Variants in ADCY8 observed in about 807,000 individuals in gnomAD.
The protein encoded by ADCY8 is adenylate cyclase 8.
In ADCY8, 51 loss-of-function variants were observed where a neutral mutation model predicts 119.7. That is an observed-to-expected ratio of 0.43 (90% CI 0.34 to 0.54). The LOEUF (loss-of-function observed/expected upper bound fraction) is 0.54. Ranked by LOEUF, ADCY8 falls within the 20% of genes least tolerant of loss-of-function variation. The pLI is 0.03. For missense variants in ADCY8, 1,383 were observed against 1,598.8 expected (o/e 0.87, Z 2.30); for synonymous variants, 665 against 651.0 (o/e 1.02, Z -0.33).
chr8:130,821,537 C>G, intron 12 of ADCY8, 117 bp from the exon 13 acceptor site: 2 of 718,328 alleles, frequency 2.8e-6, no homozygotes, highest in Middle Eastern at 3.9e-4. Context: ...TTTTCAGCAC[C>G]TATTATGTGA....
At chr8:130,817,626 A>G (rs146823629) in intron 13 of ADCY8, among the ~76,000 whole-genome samples, 68 of 152,342 alleles carry the variant, frequency 4.5e-4, no homozygotes, top group African/African-American at 1.6e-3. Context: ...GCTTAATAAG[A>G]CTAATAATTG....
At chr8:130,917,083 T>G (rs1047466329) in intron 5 of ADCY8, among the ~76,000 whole-genome samples, 1 of 152,220 alleles carries the variant, frequency 6.6e-6, no homozygotes, top group African/African-American at 2.4e-5. Flanking sequence ...TAGATGCCTA[T>G]CAATATTATA....
At chr8:130,949,055 AC>A (rs1821195752) in intron 3 of ADCY8, among the ~76,000 whole-genome samples, 2 of 152,144 alleles carry the variant, frequency 1.3e-5, no homozygotes, top group South Asian at 2.1e-4. Context: ...ACGCGGAGAC[AC>A]GGAGAGCAGA....
At chr8:130,929,925 G>T (rs1414689878) in intron 5 of ADCY8, among the ~76,000 whole-genome samples, 1 of 152,164 alleles carries the variant, frequency 6.6e-6, no homozygotes, top group Non-Finnish European at 1.5e-5. Context: ...AATGTAAAGT[G>T]TATTTTATCT....
In ADCY8 at chr8:130,990,381, G is replaced by T. The variant is rs200714231; in HGVS notation, c.1110+12C>A. 1.6e-4 allele frequency: 264 copies of T among 1,613,724 alleles called. No individual in the cohort carries two copies. Among genetic ancestry groups the T allele is most frequent in the Middle Eastern group, 1.5e-3 (9 of 6,042 alleles). ...GGTGATAACTAAAACACACAGCCTT[G>T]TCAGTTGGTACCTGTCTTTGGTTCT... On this transcript the variant is annotated intron_variant, in intron 2 of 17. Transcript: ENST00000286355.
At chr8:130,920,480 C>G (rs1040948492) in intron 5 of ADCY8, among the ~76,000 whole-genome samples, 1 of 152,228 alleles carries the variant, frequency 6.6e-6, no homozygotes, top group African/African-American at 2.4e-5. Context: ...TCTAAAGGCT[C>G]TGCCACTTAT....
intron 3 of ADCY8, 35 bp from the exon 4 acceptor site, chr8:130,943,497 G>GGGGGGGGGGGCCGC: frequency 2.0e-6 from 1 of 491,356 alleles, no homozygotes; most frequent in East Asian, 5.4e-5. Context: ...GTGGGGGGAG[G>GGGGGGGGGGGCCGC]AAGTATATTA....
chr8:130,867,951 A>G lies in ADCY8; in HGVS notation c.2110-5T>C. 1 of 1,596,480 alleles carries G rather than the reference A, an allele frequency of 6.3e-7. No individual in the cohort carries two copies. ...TTCATCCCTCATTTGAGAATACTGT[A>G]ATTAAAAAAAGAGAGAATGAGTTAC... On this transcript the variant is annotated splice_region_variant and splice_polypyrimidine_tract_variant and intron_variant, in intron 8 of 17. Coordinates refer to ENST00000286355, the MANE Select transcript of ADCY8 (RefSeq NM_001115.3).
chr8:130,933,404 T>C (rs374716803), intron 5 of ADCY8, among the ~76,000 whole-genome samples: 1 of 152,138 alleles, frequency 6.6e-6, no homozygotes. Context: ...TCTAAACACA[T>C]TAAGGTGCAA....
At chr8:130,858,428 T>C (rs945692873) in intron 9 of ADCY8, among the ~76,000 whole-genome samples, 3 of 152,176 alleles carry the variant, frequency 2.0e-5, no homozygotes, top group Non-Finnish European at 4.4e-5. Flanking sequence ...TGTCCCTCAA[T>C]TGAGATTTGT....
chr8:130,885,670 A>AG (rs933521775), intron 7 of ADCY8, among the ~76,000 whole-genome samples: 1 of 151,798 alleles, frequency 6.6e-6, no homozygotes, highest in African/African-American at 2.4e-5. Context: ...AAACAAAAAA[A>AG]AAAGTGTGAG....
intron 15 of ADCY8, among the ~76,000 whole-genome samples, chr8:130,792,356 G>T (rs188029936): frequency 6.6e-6 from 1 of 152,242 alleles, no homozygotes. Flanking sequence ...TCATTTCCTT[G>T]TGGTATCATC....
At chr8:130,860,697 A>G (rs554373184) in intron 9 of ADCY8, among the ~76,000 whole-genome samples, 1 of 152,314 alleles carries the variant, frequency 6.6e-6, no homozygotes, top group South Asian at 2.1e-4. Context: ...ATAGGTATAC[A>G]TCTGCCATGG....
chr8:130,830,872 A>G (rs1237330908), intron 12 of ADCY8, among the ~76,000 whole-genome samples: 1 of 152,232 alleles, frequency 6.6e-6, no homozygotes, highest in African/African-American at 2.4e-5. Flanking sequence ...TAGGTTTTCT[A>G]ACCTGAATTA....
chr8:130,806,073 C>T (rs1409086258), intron 14 of ADCY8, among the ~76,000 whole-genome samples: 1 of 152,198 alleles, frequency 6.6e-6, no homozygotes, highest in African/African-American at 2.4e-5. Context: ...ATTTCCTCCT[C>T]AGCTGGTGAA....
intron 2 of ADCY8, among the ~76,000 whole-genome samples, chr8:130,963,729 G>A (rs1384293333): frequency 6.6e-6 from 1 of 152,114 alleles, no homozygotes; most frequent in African/African-American, 2.4e-5. Context: ...AGGCAACTCA[G>A]TTACTTAGGA....
At chr8:130,862,850 G>T (rs1817986343) in intron 9 of ADCY8, among the ~76,000 whole-genome samples, 1 of 152,154 alleles carries the variant, frequency 6.6e-6, no homozygotes. Flanking sequence ...TATGATCTGA[G>T]AACATACTTT....
chr8:130,999,337 C>T (rs1044254245), intron 1 of ADCY8, among the ~76,000 whole-genome samples: 3 of 152,158 alleles, frequency 2.0e-5, no homozygotes, highest in South Asian at 2.1e-4. Flanking sequence ...TTCCCCTTCT[C>T]GTTCCCCCAA....
rs974048977 is a variant in ADCY8, at chr8:130,785,365, G to A, written c.3153+18C>T. On this transcript the variant is annotated intron_variant, in intron 16 of 17. Coordinates refer to ENST00000286355, the MANE Select transcript of ADCY8 (RefSeq NM_001115.3). ...AGACCCCACCATGCATTGTGGCTGA[G>A]TCCAAAGAGTCCTTTACCTGTTTTT... is the stretch of plus-strand genomic sequence containing the variant. 1 of 1,583,888 alleles carries A rather than the reference G, an allele frequency of 6.3e-7. No homozygotes were observed. Among genetic ancestry groups the A allele is most frequent in the African/African-American group, 1.4e-5 (1 of 74,052 alleles).
Sources: allele counts gnomAD v4.1 joint callset (sites outside exome capture counted in the v4.1 genomes callset), GRCh38; gene constraint gnomAD v4.1.1; transcripts MANE v1.5; gene names NCBI Gene and HGNC (gene_info 2026-07-23, HGNC 2026-07-21).